The following GLIS3 variants were observed in gnomAD, a reference collection of about 807,000 sequenced individuals.
The protein encoded by GLIS3 is zinc finger protein GLIS3.
A neutral mutation model predicts 78.6 loss-of-function variants in GLIS3; 53 were observed. That is an observed-to-expected ratio of 0.67 (90% CI 0.54 to 0.85). GLIS3 has a LOEUF of 0.85. Among genes scored for constraint, GLIS3 ranks in the 40% least tolerant of loss-of-function variants. The pLI is 0.00. For synonymous variants in GLIS3, 684 were observed against 509.9 expected, an observed-to-expected ratio of 1.34 and a Z score of -4.60; for missense variants, 1,703 against 1,231.1, an observed-to-expected ratio of 1.38 and a Z score of -5.74.
chr9:4,167,488 G>C (rs1012072206), intron 2 of GLIS3, among the ~76,000 whole-genome samples: 3 of 152,160 alleles, frequency 2.0e-5, no homozygotes, highest in African/African-American at 4.8e-5. Flanking sequence ...AGCAGGCTCT[G>C]AGCCACTTGA....
chr9:3,845,199 A>G lies in GLIS3; in HGVS notation c.2473+10810T>C, dbSNP rs112197995. 7.9e-3 allele frequency among the ~76,000 whole-genome samples: 1,211 copies of G among 152,334 alleles called. 11 individuals are homozygous for G. The highest frequency in any genetic ancestry group is 0.023 in the African/African-American group (951 of 41,580). The stretch of plus-strand genomic sequence containing the variant: ...CAATAAGGGAATGATTTAAAAAATG[A>G]TGACCTATTCTTATGAGAGCTGTAC... On this transcript the variant is annotated intron_variant, in intron 9 of 10. Transcript: ENST00000381971.
intron 6 of GLIS3, among the ~76,000 whole-genome samples, chr9:3,902,900 G>A (rs1009606327): frequency 5.3e-5 from 8 of 152,206 alleles, no homozygotes; most frequent in African/African-American, 1.9e-4. Flanking sequence ...TCTTTCTGAA[G>A]TAGTGACTTT....
chr9:4,314,828 G>C (rs570560300), intron 2 of GLIS3, among the ~76,000 whole-genome samples: 15 of 152,310 alleles, frequency 9.8e-5, no homozygotes, highest in African/African-American at 3.6e-4. Context: ...AGGGAGAATG[G>C]ATGAACCAAT....
At chr9:3,841,798 AT>A (rs1372053212) in intron 9 of GLIS3, among the ~76,000 whole-genome samples, 2 of 152,290 alleles carry the variant, frequency 1.3e-5, no homozygotes, top group South Asian at 2.1e-4. Flanking sequence ...ACACGAAAGT[AT>A]TTTGCCAACA....
At chr9:4,458,906 G>A in the GLIS3 span, among the ~76,000 whole-genome samples, 1 of 152,178 alleles carries the variant, frequency 6.6e-6, no homozygotes, top group Admixed American at 6.5e-5. Context: ...CAAGCAAGGG[G>A]ACCACTGTGC....
In GLIS3 at chr9:4,023,616, G is replaced by A. The variant is rs143506594; in HGVS notation, c.1711-86427C>T. ...AGCGAGCATTGCTTCTGAAAGCCAA[G>A]TGCAATCCTGTGTGCTTGAACTTTC... On this transcript the variant is annotated intron_variant, in intron 4 of 10. Coordinates refer to ENST00000381971, the MANE Select transcript of GLIS3 (RefSeq NM_001042413.2). Among the ~76,000 whole-genome samples the A allele has an allele frequency of 1.3e-4, 20 of 152,358 alleles. No homozygotes were observed. In the East Asian group the frequency reaches 3.9e-3, roughly 29 times the overall value.
chr9:4,216,593 TG>T (rs1820872406), intron 2 of GLIS3, among the ~76,000 whole-genome samples: 1 of 152,056 alleles, frequency 6.6e-6, no homozygotes. Flanking sequence ...GAAGGAAGGT[TG>T]GGGAAAGCCA....
the GLIS3 span, among the ~76,000 whole-genome samples, chr9:4,398,577 G>T: frequency 6.6e-6 from 1 of 151,924 alleles, no homozygotes; most frequent in Middle Eastern, 3.2e-3. Flanking sequence ...TTAAGGGCTA[G>T]GTCAGCAGCT....
chr9:4,120,486 G>A (rs570378486), intron 3 of GLIS3, among the ~76,000 whole-genome samples: 21 of 152,056 alleles, frequency 1.4e-4, no homozygotes, highest in Non-Finnish European at 2.1e-4. Flanking sequence ...AATTCCCCAC[G>A]GACACTTTTC....
intron 2 of GLIS3, among the ~76,000 whole-genome samples, chr9:4,154,288 C>T (rs189566314): frequency 6.6e-6 from 1 of 152,018 alleles, no homozygotes; most frequent in African/African-American, 2.4e-5. Context: ...CGTCACATCA[C>T]AAAAGAGAAT....
chr9:3,937,906 T>C (rs1290811144), intron 4 of GLIS3, among the ~76,000 whole-genome samples: 1 of 152,202 alleles, frequency 6.6e-6, no homozygotes, highest in Non-Finnish European at 1.5e-5. Flanking sequence ...GACATTTCAT[T>C]ATCTAATTCA....
At chr9:4,403,787 A>G in the GLIS3 span, among the ~76,000 whole-genome samples, 1 of 152,172 alleles carries the variant, frequency 6.6e-6, no homozygotes. Context: ...CATTAAAAAG[A>G]AGACAGGAAG....
chr9:3,904,833 C>T (rs751039145), intron 6 of GLIS3, among the ~76,000 whole-genome samples: 2 of 152,176 alleles, frequency 1.3e-5, no homozygotes, highest in Non-Finnish European at 2.9e-5. Flanking sequence ...GCTTGGATTT[C>T]GGTGTGTTAG....
intron 7 of GLIS3, among the ~76,000 whole-genome samples, chr9:3,887,409 G>A (rs1486932229): frequency 6.6e-6 from 1 of 152,058 alleles, no homozygotes; most frequent in African/African-American, 2.4e-5. Flanking sequence ...GTAAGTGAGG[G>A]CACGGCTCTG....
At position 3,852,840 on chromosome 9, in the gene GLIS3, A is replaced by G. The variant is rs182361781; in HGVS notation, c.2473+3169T>C. Among the ~76,000 whole-genome samples the G allele has an allele frequency of 2.1e-3, 316 of 152,262 alleles. 5 individuals carry two copies. Among genetic ancestry groups the G allele is most frequent in the African/African-American group, 7.3e-3 (302 of 41,530 alleles). Reference sequence around the variant, plus strand: ...TCATAATTTCTCAATTTGCCTAACTATATTTTAAACTTATTTTTAGGGCTG... The same window carrying G: ...TCATAATTTCTCAATTTGCCTAACTGTATTTTAAACTTATTTTTAGGGCTG... On this transcript the variant is annotated intron_variant, in intron 9 of 10. Transcript: ENST00000381971.
chr9:4,457,715 T>C, the GLIS3 span, among the ~76,000 whole-genome samples: 1 of 151,886 alleles, frequency 6.6e-6, no homozygotes. Context: ...CTGGGCATGG[T>C]GGCACATATC....
intron 4 of GLIS3, among the ~76,000 whole-genome samples, chr9:3,968,480 G>A (rs940751638): frequency 2.0e-5 from 3 of 151,978 alleles, no homozygotes; most frequent in African/African-American, 4.8e-5. Flanking sequence ...ATACATATAC[G>A]TGTGATAATC....
At chr9:3,930,465 A>C (rs484245) in intron 6 of GLIS3, among the ~76,000 whole-genome samples, 149,145 of 152,346 alleles carry the variant, frequency 0.98, 73,091 homozygotes, top group East Asian at 1. Context: ...GTCTCAAGAT[A>C]TGGTTTTCTT....
chr9:3,944,264 T>A (rs1024598050), intron 4 of GLIS3, among the ~76,000 whole-genome samples: 1 of 152,178 alleles, frequency 6.6e-6, no homozygotes, highest in Admixed American at 6.5e-5. Flanking sequence ...ATTTGAACCA[T>A]ATTAAATTTT....
Sources: allele counts gnomAD v4.1 joint callset (sites outside exome capture counted in the v4.1 genomes callset), GRCh38; gene constraint gnomAD v4.1.1; transcripts MANE v1.5; gene names NCBI Gene and HGNC (gene_info 2026-07-23, HGNC 2026-07-21).